The following PIP5K1C variants were observed in gnomAD, a reference collection of about 807,000 sequenced individuals.
The protein encoded by PIP5K1C is phosphatidylinositol-4-phosphate 5-kinase type 1 gamma, also known as phosphatidylinositol 4-phosphate 5-kinase type-1 gamma.
A neutral mutation model predicts 80.1 loss-of-function variants in PIP5K1C; 45 were observed. That is an observed-to-expected ratio of 0.56 (90% CI 0.44 to 0.72). PIP5K1C has a LOEUF of 0.72. Ranked by LOEUF, PIP5K1C falls within the 30% of genes least tolerant of loss-of-function variation. The pLI, the probability that PIP5K1C is intolerant of heterozygous loss-of-function variation, is 0.00. For missense variants in PIP5K1C, 753 were observed against 954.6 expected (o/e 0.79, Z 2.78); for synonymous variants, 498 against 420.1 (o/e 1.19, Z -2.27).
intron 5 of PIP5K1C, among the ~76,000 whole-genome samples, chr19:3,659,264 G>A (rs1249241755): frequency 6.6e-6 from 1 of 152,220 alleles, no homozygotes; most frequent in Admixed American, 6.5e-5. Context: ...GAGGCTAGGG[G>A]GCTGCCGCCT....
At chr19:3,636,338 G>T in intron 16 of PIP5K1C, 1 of 963,036 alleles carries the variant, frequency 1.0e-6, no homozygotes, top group Non-Finnish European at 1.2e-6. Context: ...AGCCTCTTCA[G>T]CACTCAGGCC....
At chr19:3,643,750 G>A (rs2034085927) in intron 12 of PIP5K1C, among the ~76,000 whole-genome samples, 1 of 146,434 alleles carries the variant, frequency 6.8e-6, no homozygotes, top group Admixed American at 7.3e-5. Context: ...GTGTGGTCCT[G>A]CCCCAGGGCC....
chr19:3,686,735 TAAAA>T (rs1568357674), intron 1 of PIP5K1C, among the ~76,000 whole-genome samples: 30 of 143,220 alleles, frequency 2.1e-4, no homozygotes, highest in African/African-American at 6.8e-4. Flanking sequence ...AATAAATAAA[TAAAA>T]TAAAATAAAA....
At chr19:3,644,804 C>A (rs1190458646) in intron 11 of PIP5K1C, among the ~76,000 whole-genome samples, 1 of 152,202 alleles carries the variant, frequency 6.6e-6, no homozygotes, top group Non-Finnish European at 1.5e-5. Flanking sequence ...CAGGGCCAGG[C>A]CTGTCCTCAG....
intron 1 of PIP5K1C, among the ~76,000 whole-genome samples, chr19:3,673,323 C>A (rs1042593204): frequency 1.3e-5 from 2 of 152,148 alleles, no homozygotes; most frequent in Non-Finnish European, 2.9e-5. Flanking sequence ...CCTCCTCCAG[C>A]CAACCTGCAC....
At chr19:3,698,782 C>T (rs1056392312) in intron 1 of PIP5K1C, among the ~76,000 whole-genome samples, 2 of 152,168 alleles carry the variant, frequency 1.3e-5, no homozygotes, top group Admixed American at 6.5e-5. Context: ...AACTCACCAG[C>T]GCTAACATCA....
At chr19:3,644,350 C>T in intron 11 of PIP5K1C, 99 bp from the exon 12 acceptor site, 1 of 1,188,502 alleles carries the variant, frequency 8.4e-7, no homozygotes, top group Admixed American at 1.9e-5. Flanking sequence ...TCCCTGTGGC[C>T]CACCAGACCC....
In PIP5K1C at chr19:3,639,778, G is replaced by A. The variant is rs1024780484; in HGVS notation, c.1788-762C>T. Reference sequence around the variant, plus strand: ...TTACTACATGCCAGGGCTGGCTCCCGTGATTAACCCACTGAGTCTATCATG... The same window carrying A: ...TTACTACATGCCAGGGCTGGCTCCCATGATTAACCCACTGAGTCTATCATG... On this transcript the variant is annotated intron_variant, in intron 15 of 17. Coordinates refer to ENST00000335312, the MANE Select transcript of PIP5K1C (RefSeq NM_012398.3). 5.3e-5 allele frequency among the ~76,000 whole-genome samples: 8 copies of A among 152,130 alleles called. No individual in the cohort carries two copies. In the East Asian group the frequency reaches 1.2e-3, roughly 22 times the overall value.
At chr19:3,663,446 C>G (rs1600013993) in intron 3 of PIP5K1C, among the ~76,000 whole-genome samples, 1 of 152,200 alleles carries the variant, frequency 6.6e-6, no homozygotes, top group Admixed American at 6.5e-5. Context: ...ACGGACAGAA[C>G]AGACATGTGC....
At chr19:3,670,285 A>G (rs2035164080) in intron 1 of PIP5K1C, among the ~76,000 whole-genome samples, 1 of 152,164 alleles carries the variant, frequency 6.6e-6, no homozygotes, top group African/African-American at 2.4e-5. Flanking sequence ...CCGTATTTGG[A>G]AAGAGAGTCT....
intron 16 of PIP5K1C, 31 bp downstream of exon 16, chr19:3,638,853 G>T (rs552133443): frequency 6.2e-7 from 1 of 1,612,378 alleles, no homozygotes; most frequent in East Asian, 2.2e-5. Context: ...CGGTTGACGA[G>T]CCGGCGGCAG....
chr19:3,634,878 G>A lies in PIP5K1C; in HGVS notation c.1921-1358C>T, dbSNP rs371264778. 2.4e-3 allele frequency among the ~76,000 whole-genome samples: 362 copies of A among 152,380 alleles called. 2 individuals are homozygous for A. The highest frequency in any genetic ancestry group is 8.2e-3 in the African/African-American group (340 of 41,592). On this transcript the variant is annotated intron_variant, in intron 16 of 17. Coordinates refer to ENST00000335312, the MANE Select transcript of PIP5K1C (RefSeq NM_012398.3). The stretch of plus-strand genomic sequence containing the variant: ...CAGCGCACTCCTGCCCTGCGAGGCC[G>A]CATCGCGGAGGACTGACTCCTGCAC...
rs758969295 is a variant in PIP5K1C at position 3,653,356 on chromosome 19, G to A, written c.855C>T (p.Pro285=). 11 of 1,612,072 alleles carry A rather than the reference G, an allele frequency of 6.8e-6. No individual in the cohort carries two copies. The highest frequency in any genetic ancestry group is 2.2e-5 in the South Asian group (2 of 91,088). ...YKDLDFMQDM[P]EGLLLDADTF... is the part of the protein sequence containing the mutation. ...TGTCGGCGTCCAGCAGGAGCCCCTC[G>A]GGCATGTCCTGCATGAAGTCCAGGT... is the stretch of plus-strand genomic sequence containing the variant. The change falls in exon 7 of 18, where the codon CCC becomes CCT. Residue 285 remains proline, a synonymous_variant. Coordinates refer to ENST00000335312, the MANE Select transcript of PIP5K1C (RefSeq NM_012398.3).
At chr19:3,633,603 GAC>G in intron 16 of PIP5K1C, 83 bp from the exon 17 acceptor site, 1 of 941,530 alleles carries the variant, frequency 1.1e-6, no homozygotes, top group Non-Finnish European at 1.5e-6. Flanking sequence ...GGAAGGAAGA[GAC>G]AGGAGAACAT....
intron 1 of PIP5K1C, among the ~76,000 whole-genome samples, chr19:3,691,552 C>G (rs553515787): frequency 1.3e-5 from 2 of 149,310 alleles, no homozygotes; most frequent in African/African-American, 2.5e-5. Flanking sequence ...CGCAAACAGT[C>G]GGGAGTCAAA....
chr19:3,641,683 C>A (rs767034976), intron 15 of PIP5K1C, 22 bp downstream of exon 15: 1 of 1,593,414 alleles, frequency 6.3e-7, no homozygotes, highest in Non-Finnish European at 8.5e-7. Context: ...GCGCCCCGAC[C>A]TCCCGCCGAG....
rs757083958 is a variant in PIP5K1C, at chr19:3,642,943, C to A, written c.1650-4G>T. Reference sequence around the variant, plus strand: ...TCCAGACGACTGTGTGCGCCGCCTGCAGAGATACAGCAAACACGTGACACC... The same window carrying A: ...TCCAGACGACTGTGTGCGCCGCCTGAAGAGATACAGCAAACACGTGACACC... On this transcript the variant is annotated splice_region_variant and splice_polypyrimidine_tract_variant and intron_variant, in intron 13 of 17. Coordinates refer to ENST00000335312, the MANE Select transcript of PIP5K1C (RefSeq NM_012398.3). 1 of 1,613,524 alleles carries A rather than the reference C, an allele frequency of 6.2e-7. No homozygotes were observed. The highest frequency in any genetic ancestry group is 8.5e-7 in the Non-Finnish European group (1 of 1,179,844).
At chr19:3,698,128 T>C (rs184736426) in intron 1 of PIP5K1C, among the ~76,000 whole-genome samples, 2 of 152,234 alleles carry the variant, frequency 1.3e-5, no homozygotes, top group Non-Finnish European at 2.9e-5. Context: ...TCGCCATCGC[T>C]TCTAACAGTG....
intron 1 of PIP5K1C, among the ~76,000 whole-genome samples, chr19:3,687,512 T>TGCACAC (rs2035796233): frequency 2.0e-5 from 2 of 101,536 alleles, no homozygotes; most frequent in South Asian, 5.9e-4. Flanking sequence ...CACATGCACA[T>TGCACAC]ACATGCACAC....
Sources: allele counts gnomAD v4.1 joint callset (sites outside exome capture counted in the v4.1 genomes callset), GRCh38; gene constraint gnomAD v4.1.1; transcripts MANE v1.5; gene names NCBI Gene and HGNC (gene_info 2026-07-23, HGNC 2026-07-21).